Variants in PLEKHO2 observed in about 807,000 individuals in gnomAD.
PLEKHO2 encodes the protein pleckstrin homology domain-containing family O member 2.
In PLEKHO2, 20 loss-of-function variants were observed where a neutral mutation model predicts 32.7. The observed-to-expected ratio is 0.61, with a 90% CI of 0.43 to 0.89. PLEKHO2 has a LOEUF of 0.89. PLEKHO2 is among the 40% of genes least tolerant of loss of function. The probability of loss-of-function intolerance (pLI) is 0.00; values close to 1 mark genes in which losing one functional copy is unlikely to be tolerated. For missense variants in PLEKHO2, 568 were observed against 621.2 expected, an observed-to-expected ratio of 0.91 and a Z score of 0.91; for synonymous variants, 247 against 246.3, an observed-to-expected ratio of 1.00 and a Z score of -0.03.
intron 2 of PLEKHO2, among the ~76,000 whole-genome samples, chr15:64,849,722 C>T (rs570067516): frequency 2.1e-4 from 32 of 150,700 alleles, no homozygotes; most frequent in African/African-American, 7.1e-4. Flanking sequence ...GGATTACAGG[C>T]GTGAGCCTGC....
At chr15:64,855,664 G>A (rs2084601795) in intron 3 of PLEKHO2, among the ~76,000 whole-genome samples, 1 of 151,888 alleles carries the variant, frequency 6.6e-6, no homozygotes, top group Admixed American at 6.5e-5. Context: ...CATTTCTCTG[G>A]CGGGGAGTCT....
chr15:64,851,847 G>A (rs2084572178), intron 2 of PLEKHO2, among the ~76,000 whole-genome samples: 1 of 152,082 alleles, frequency 6.6e-6, no homozygotes, highest in South Asian at 2.1e-4. Context: ...CCAGTTAGTG[G>A]AGGCCTGTGG....
intron 5 of PLEKHO2, among the ~76,000 whole-genome samples, chr15:64,861,810 CT>C (rs2084644033): frequency 6.6e-6 from 1 of 152,172 alleles, no homozygotes. Flanking sequence ...TGAATCTGTC[CT>C]TAGCCAGAGT....
At chr15:64,852,440 C>CGA (rs887429680) in intron 2 of PLEKHO2, among the ~76,000 whole-genome samples, 1 of 152,154 alleles carries the variant, frequency 6.6e-6, no homozygotes, top group African/African-American at 2.4e-5. Flanking sequence ...GAGGGGCTGA[C>CGA]GAGAGAGTCG....
At chr15:64,852,283 C>T (rs1012979217) in intron 2 of PLEKHO2, among the ~76,000 whole-genome samples, 2 of 152,000 alleles carry the variant, frequency 1.3e-5, no homozygotes, top group African/African-American at 4.8e-5. Flanking sequence ...TTTTTCTGGT[C>T]CGTCTGTTTA....
Position 64,862,448 on chromosome 15 carries a change from G to A in PLEKHO2, c.483+873G>A, listed in dbSNP as rs137865142. Among the ~76,000 whole-genome samples the A allele has an allele frequency of 5.9e-5, 9 of 152,168 alleles. No individual in the cohort carries two copies. The East Asian group carries it at 7.7e-4, about 13-fold the overall frequency. ...GGTTCCCCAAGCCTGGAGACTGGGA[G>A]CATGGAGGCCCTGGGCACAGGGAAT... On this transcript the variant is annotated intron_variant, in intron 5 of 5. Coordinates refer to ENST00000323544, the MANE Select transcript of PLEKHO2 (RefSeq NM_025201.5).
intron 5 of PLEKHO2, among the ~76,000 whole-genome samples, chr15:64,861,903 C>T (rs1447782988): frequency 1.3e-5 from 2 of 152,178 alleles, no homozygotes; most frequent in African/African-American, 2.4e-5. Flanking sequence ...TAGGCCTATC[C>T]CACAGACTGC....
intron 5 of PLEKHO2, among the ~76,000 whole-genome samples, chr15:64,862,100 G>A (rs2084645406): frequency 6.6e-6 from 1 of 152,168 alleles, no homozygotes; most frequent in Non-Finnish European, 1.5e-5. Context: ...CACAGCGGGA[G>A]GGTTTGAGGT....
intron 2 of PLEKHO2, among the ~76,000 whole-genome samples, chr15:64,850,109 G>A (rs1455282964): frequency 1.3e-5 from 2 of 151,910 alleles, no homozygotes; most frequent in African/African-American, 2.4e-5. Flanking sequence ...GCAGTGAGCC[G>A]AGATCATGCC....
At chr15:64,854,882 A>C in intron 2 of PLEKHO2, 39 bp from the exon 3 acceptor site, 1 of 1,529,530 alleles carries the variant, frequency 6.5e-7, no homozygotes, top group Non-Finnish European at 9.1e-7. Context: ...GGTGGGTCTG[A>C]CTGTCACCAG....
At chr15:64,864,832 C>T (rs2084669344) in intron 5 of PLEKHO2, 67 bp from the exon 6 acceptor site, 3 of 1,505,426 alleles carry the variant, frequency 2.0e-6, no homozygotes, top group African/African-American at 1.4e-5. Flanking sequence ...GAACTCGTGT[C>T]AGTGGGCACA....
intron 3 of PLEKHO2, among the ~76,000 whole-genome samples, chr15:64,857,609 G>A (rs531601875): frequency 1.3e-5 from 2 of 152,146 alleles, no homozygotes; most frequent in African/African-American, 4.8e-5. Context: ...TGCCTGGCTC[G>A]TTCAGCCAGA....
intron 1 of PLEKHO2, among the ~76,000 whole-genome samples, chr15:64,844,436 C>G (rs73469127): frequency 6.6e-6 from 1 of 152,154 alleles, no homozygotes; most frequent in Non-Finnish European, 1.5e-5. Flanking sequence ...GAGAAAACTG[C>G]GAATATCAGT....
intron 4 of PLEKHO2, among the ~76,000 whole-genome samples, chr15:64,860,813 A>G (rs1169439643): frequency 1.3e-5 from 2 of 152,216 alleles, no homozygotes; most frequent in African/African-American, 4.8e-5. Context: ...GGGGGAGGCC[A>G]TAGGAGCCAT....
chr15:64,843,347 G>T (rs532547622), intron 1 of PLEKHO2, among the ~76,000 whole-genome samples: 21 of 152,314 alleles, frequency 1.4e-4, no homozygotes, highest in African/African-American at 4.6e-4. Flanking sequence ...GATTTGCTGC[G>T]GTTTCTTTCT....
chr15:64,846,550 A>C (rs1373868311), intron 1 of PLEKHO2, among the ~76,000 whole-genome samples: 2 of 152,086 alleles, frequency 1.3e-5, no homozygotes, highest in Non-Finnish European at 2.9e-5. Flanking sequence ...CTGACCTCAA[A>C]TGATCTGCCC....
At chr15:64,854,847 T>C in intron 2 of PLEKHO2, 74 bp from the exon 3 acceptor site, 1 of 1,176,430 alleles carries the variant, frequency 8.5e-7, no homozygotes, top group Non-Finnish European at 1.3e-6. Flanking sequence ...GATCAGGGTC[T>C]GGGACATGAG....
rs757557072 is a variant in PLEKHO2 at position 64,865,574 on chromosome 15, C to T, written c.1159C>T (p.Arg387Cys). 43 of 1,614,070 alleles carry T rather than the reference C, an allele frequency of 2.7e-5. No homozygotes were observed. The highest frequency in any genetic ancestry group is 2.8e-5 in the Non-Finnish European group (33 of 1,180,028). ...PWDLPPQFHP[R>C]CSSLGDLLGE... is the part of the protein sequence containing the mutation. ...GGACCTGCCACCTCAGTTCCATCCC[C>T]GCTGCTCCTCCCTTGGGGACTTGCT... The change falls in exon 6 of 6, where the codon CGC (arginine) becomes TGC (cysteine). Residue 387 changes from arginine (R) to cysteine (C), a missense_variant. Physicochemically the swap from Arg to Cys is radical, Grantham distance 180. Transcript: ENST00000323544.
At chr15:64,849,116 A>G (rs2084546428) in intron 2 of PLEKHO2, among the ~76,000 whole-genome samples, 1 of 151,654 alleles carries the variant, frequency 6.6e-6, no homozygotes, top group Admixed American at 6.6e-5. Flanking sequence ...AGTAGCTGGG[A>G]CTATAGGCAT....
Sources: gnomAD v4.1 joint callset for allele counts (sites outside exome capture counted in the v4.1 genomes callset) on GRCh38, gnomAD v4.1.1 for gene constraint, MANE v1.5 for transcripts, NCBI Gene and HGNC (gene_info 2026-07-23, HGNC 2026-07-21) for gene names.